Variants in CTNNA3 observed in about 807,000 individuals in gnomAD.
CTNNA3 encodes catenin alpha 3.
A neutral mutation model predicts 95.7 loss-of-function variants in CTNNA3; 76 were observed. That is an observed-to-expected ratio of 0.79 (90% confidence interval 0.66 to 0.96). CTNNA3 has a LOEUF of 0.96. CTNNA3 is among the 40% of genes least tolerant of loss of function. The pLI is 0.00. For missense variants in CTNNA3, 1,191 were observed against 1,089.8 expected (o/e 1.09, Z -1.31); for synonymous variants, 431 against 374.4 (o/e 1.15, Z -1.74).
intron 10 of CTNNA3, among the ~76,000 whole-genome samples, chr10:66,564,288 T>C (rs1466417070): frequency 6.6e-6 from 1 of 152,152 alleles, no homozygotes; most frequent in African/African-American, 2.4e-5. Flanking sequence ...GCCTGTGACA[T>C]ACTACAGATC....
intron 9 of CTNNA3, among the ~76,000 whole-genome samples, chr10:66,745,368 T>C (rs1419847279): frequency 6.6e-6 from 1 of 152,158 alleles, no homozygotes; most frequent in African/African-American, 2.4e-5. Flanking sequence ...AGAACAAGCT[T>C]ATCTGCTGGT....
intron 15 of CTNNA3, among the ~76,000 whole-genome samples, chr10:66,067,150 A>C (rs1311665554): frequency 1.3e-5 from 2 of 152,176 alleles, no homozygotes; most frequent in Non-Finnish European, 2.9e-5. Context: ...AGGTCACAGA[A>C]GCCAGAACCC....
intron 9 of CTNNA3, among the ~76,000 whole-genome samples, chr10:66,693,478 A>AG (rs1187680120): frequency 2.0e-5 from 3 of 150,852 alleles, no homozygotes; most frequent in Non-Finnish European, 4.4e-5. Context: ...TGAGTGACCT[A>AG]CAACGAGACT....
chr10:66,888,962 C>T (rs1845153127), intron 7 of CTNNA3, among the ~76,000 whole-genome samples: 1 of 152,192 alleles, frequency 6.6e-6, no homozygotes, highest in African/African-American at 2.4e-5. Flanking sequence ...AATCTGGAAG[C>T]AACCAAGCTG....
At chr10:65,938,121 G>A (rs2077371425) in intron 17 of CTNNA3, among the ~76,000 whole-genome samples, 1 of 152,208 alleles carries the variant, frequency 6.6e-6, no homozygotes, top group South Asian at 2.1e-4. Flanking sequence ...CAATGAGTAT[G>A]TTGAAGCTGA....
chr10:67,348,322 C>T (rs1248381609), intron 5 of CTNNA3, among the ~76,000 whole-genome samples: 1 of 152,148 alleles, frequency 6.6e-6, no homozygotes, highest in Non-Finnish European at 1.5e-5. Context: ...GAGAAAGCTT[C>T]TGCACAGCAA....
intron 15 of CTNNA3, among the ~76,000 whole-genome samples, chr10:66,037,123 C>T (rs540089699): frequency 2.6e-5 from 4 of 152,130 alleles, no homozygotes; most frequent in Non-Finnish European, 2.9e-5. Context: ...CCGCCCATCT[C>T]GGCCTCCCAA....
At chr10:67,342,013 C>T (rs1842210918) in intron 5 of CTNNA3, among the ~76,000 whole-genome samples, 1 of 21,084 alleles carries the variant, frequency 4.7e-5, no homozygotes, top group African/African-American at 7.4e-5. Context: ...CAAACTCCAT[C>T]TATTCTACAT....
intron 5 of CTNNA3, among the ~76,000 whole-genome samples, chr10:67,395,400 A>G (rs1317156135): frequency 6.6e-6 from 1 of 152,194 alleles, no homozygotes; most frequent in Non-Finnish European, 1.5e-5. Flanking sequence ...GCTGTGGGCC[A>G]GGAGCCAAAT....
chr10:67,398,855 C>T (rs1471961336), intron 5 of CTNNA3, among the ~76,000 whole-genome samples: 1 of 152,106 alleles, frequency 6.6e-6, no homozygotes, highest in African/African-American at 2.4e-5. Context: ...TCCTTCCTGT[C>T]TCCACGTGAA....
chr10:67,013,840 A>G (rs184562726), intron 7 of CTNNA3, among the ~76,000 whole-genome samples: 1 of 152,272 alleles, frequency 6.6e-6, no homozygotes, highest in East Asian at 1.9e-4. Context: ...GAATACAGAA[A>G]AGATACAGGC....
At chr10:67,370,133 A>G (rs1156621046) in intron 5 of CTNNA3, among the ~76,000 whole-genome samples, 2 of 152,158 alleles carry the variant, frequency 1.3e-5, no homozygotes, top group African/African-American at 4.8e-5. Flanking sequence ...TCCATCAATA[A>G]AGGACTGGTC....
intron 7 of CTNNA3, among the ~76,000 whole-genome samples, chr10:66,955,309 ACT>A (rs1848730159): frequency 6.6e-6 from 1 of 152,094 alleles, no homozygotes; most frequent in Admixed American, 6.6e-5. Context: ...TTGTATCATG[ACT>A]CTGAATAATA....
intron 12 of CTNNA3, among the ~76,000 whole-genome samples, chr10:66,351,977 A>G (rs1014331208): frequency 1.3e-5 from 2 of 151,978 alleles, no homozygotes; most frequent in Non-Finnish European, 2.9e-5. Context: ...GTGACAATAT[A>G]TAATAATAAA....
At chr10:67,720,506 CCA>C (rs1460591653) in intron 1 of CTNNA3, among the ~76,000 whole-genome samples, 1 of 152,050 alleles carries the variant, frequency 6.6e-6, no homozygotes, top group African/African-American at 2.4e-5. Context: ...TTGTTCCTTT[CCA>C]TATTTAGTGC....
At chr10:66,092,871 A>C (rs903241686) in intron 14 of CTNNA3, among the ~76,000 whole-genome samples, 11 of 152,010 alleles carry the variant, frequency 7.2e-5, no homozygotes, top group African/African-American at 2.2e-4. Context: ...ATCATTGGTG[A>C]TAAGAAAATT....
intron 9 of CTNNA3, among the ~76,000 whole-genome samples, chr10:66,711,922 G>C (rs1458389755): frequency 3.3e-4 from 50 of 152,036 alleles, no homozygotes; most frequent in Admixed American, 3.3e-3. Context: ...TAGAATATTT[G>C]GCTGAAGTTT....
chr10:67,136,554 GAGA>G (rs1451776519), intron 7 of CTNNA3, among the ~76,000 whole-genome samples: 3 of 152,072 alleles, frequency 2.0e-5, no homozygotes, highest in Non-Finnish European at 2.9e-5. Context: ...AAGAGAAAGA[GAGA>G]AGGAGAGAGA....
chr10:66,444,431 T>C (rs1290710948), intron 11 of CTNNA3, among the ~76,000 whole-genome samples: 3 of 152,002 alleles, frequency 2.0e-5, no homozygotes, highest in Admixed American at 2.0e-4. Context: ...AGAGAAAGGT[T>C]GGGTTACCCA....
Sources: allele counts gnomAD v4.1 joint callset (sites outside exome capture counted in the v4.1 genomes callset), GRCh38; gene constraint gnomAD v4.1.1; transcripts MANE v1.5; gene names NCBI Gene and HGNC (gene_info 2026-07-23, HGNC 2026-07-21).